The following STK33 variants were observed in gnomAD, a reference collection of about 807,000 sequenced individuals.
STK33 encodes serine/threonine kinase 33.
STK33 carries 52 observed loss-of-function variants against 58.0 expected under a neutral mutation model. The observed-to-expected ratio is 0.90, with a 90% confidence interval of 0.72 to 1.13. The LOEUF (loss-of-function observed/expected upper bound fraction) is 1.13, where lower values mean the gene tolerates loss of function less well. Ranked by LOEUF, STK33 falls within the 50% of genes most tolerant of loss-of-function variation. The pLI, the probability that STK33 is intolerant of heterozygous loss-of-function variation, is 0.00. For synonymous variants in STK33, 215 were observed against 200.1 expected (o/e 1.07, Z -0.63); for missense variants, 630 against 604.2 (o/e 1.04, Z -0.45).
At chr11:8,484,319 A>C (rs1356120503) in intron 1 of STK33, among the ~76,000 whole-genome samples, 2 of 152,224 alleles carry the variant, frequency 1.3e-5, no homozygotes, top group African/African-American at 4.8e-5. Context: ...ACTGTTGTGC[A>C]ACTGTCAAAA....
At chr11:8,463,593 T>C (rs1294782238) in intron 7 of STK33, among the ~76,000 whole-genome samples, 2 of 152,124 alleles carry the variant, frequency 1.3e-5, no homozygotes, top group Admixed American at 1.3e-4. Flanking sequence ...ATATGGAAAG[T>C]TACCCCAATT....
the STK33 span, among the ~76,000 whole-genome samples, chr11:8,345,732 T>C: frequency 1.3e-5 from 2 of 152,068 alleles, no homozygotes; most frequent in African/African-American, 2.4e-5. Flanking sequence ...GGGAGTAGCA[T>C]GGTGAGCCAT....
rs113035260 is a variant in STK33, at chr11:8,554,326, G to A, written c.-466+39757C>T. Among the ~76,000 whole-genome samples, 1,060 of 151,448 alleles carry A rather than the reference G, an allele frequency of 7.0e-3. 11 individuals are homozygous for A. Among genetic ancestry groups the A allele is most frequent in the African/African-American group, 0.024 (1,008 of 41,164 alleles). On this transcript the variant is annotated intron_variant, in intron 1 of 15. Transcript: ENST00000687296. ...CCCAGCTACTGGGGAGGCTGAGGCAGGAGAATCGCTTGAATCCGGGAGGTT... is the reference window on the plus strand; with the variant it reads ...CCCAGCTACTGGGGAGGCTGAGGCAAGAGAATCGCTTGAATCCGGGAGGTT...
At chr11:8,449,834 A>G (rs1387535694) in intron 11 of STK33, among the ~76,000 whole-genome samples, 2 of 152,200 alleles carry the variant, frequency 1.3e-5, no homozygotes, top group African/African-American at 4.8e-5. Flanking sequence ...GAGAAATGCA[A>G]ATCATAACCA....
the STK33 span, among the ~76,000 whole-genome samples, chr11:8,353,751 T>C: frequency 2.0e-5 from 3 of 152,184 alleles, no homozygotes; most frequent in Non-Finnish European, 4.4e-5. Context: ...GCAGCCTGGA[T>C]GGAATTCTTC....
At chr11:8,483,944 A>G (rs1254391544) in intron 1 of STK33, among the ~76,000 whole-genome samples, 1 of 152,340 alleles carries the variant, frequency 6.6e-6, no homozygotes, top group South Asian at 2.1e-4. Context: ...CAATAAAGCT[A>G]TATCAATTTT....
At chr11:8,448,859 G>GTTCAGCACACCAACATGGCACAT (rs1565013342) in intron 11 of STK33, among the ~76,000 whole-genome samples, 5 of 151,950 alleles carry the variant, frequency 3.3e-5, no homozygotes, top group African/African-American at 9.7e-5. Context: ...CTACGGAATG[G>GTTCAGCACACCAACATGGCACAT]GAGAAAATTG....
chr11:8,397,889 A>T (rs1849648655), intron 15 of STK33, among the ~76,000 whole-genome samples: 1 of 152,234 alleles, frequency 6.6e-6, no homozygotes, highest in Non-Finnish European at 1.5e-5. Flanking sequence ...AATGAAATGA[A>T]GCAAGAAGAG....
chr11:8,375,996 A>G, the STK33 span, among the ~76,000 whole-genome samples: 1 of 152,212 alleles, frequency 6.6e-6, no homozygotes, highest in African/African-American at 2.4e-5. Context: ...AATACAGGCT[A>G]ATCTCCAGGC....
the STK33 span, among the ~76,000 whole-genome samples, chr11:8,348,324 A>G: frequency 6.6e-6 from 1 of 152,236 alleles, no homozygotes; most frequent in African/African-American, 2.4e-5. Flanking sequence ...GGCTGCAGAC[A>G]CCTCAGGAGA....
intron 8 of STK33, among the ~76,000 whole-genome samples, chr11:8,460,915 G>A (rs1233769786): frequency 6.6e-6 from 1 of 152,078 alleles, no homozygotes; most frequent in African/African-American, 2.4e-5. Flanking sequence ...CAAGCATAAG[G>A]CACAACCCAA....
intron 1 of STK33, among the ~76,000 whole-genome samples, chr11:8,530,780 C>G (rs1022947698): frequency 6.6e-6 from 1 of 152,160 alleles, no homozygotes; most frequent in Non-Finnish European, 1.5e-5. Flanking sequence ...ACCTCTGCCG[C>G]CCAGGTTCAA....
intron 1 of STK33, among the ~76,000 whole-genome samples, chr11:8,561,576 G>A (rs552654009): frequency 8.3e-4 from 126 of 151,986 alleles, no homozygotes; most frequent in African/African-American, 2.8e-3. Flanking sequence ...TTACTAATCC[G>A]TTTAATCTCT....
the STK33 span, among the ~76,000 whole-genome samples, chr11:8,381,909 G>A: frequency 6.6e-6 from 1 of 152,124 alleles, no homozygotes; most frequent in Non-Finnish European, 1.5e-5. Context: ...CAGACACGTT[G>A]CATGTCAGGA....
chr11:8,502,543 G>A (rs540459390), intron 1 of STK33, among the ~76,000 whole-genome samples: 1 of 152,184 alleles, frequency 6.6e-6, no homozygotes, highest in African/African-American at 2.4e-5. Context: ...AGATCACCTA[G>A]GCAATACCAT....
At chr11:8,592,077 T>C (rs2032698868) in intron 1 of STK33, among the ~76,000 whole-genome samples, 4 of 152,208 alleles carry the variant, frequency 2.6e-5, no homozygotes, top group Admixed American at 2.6e-4. Context: ...TTCCAAGCCC[T>C]GTTTGACTCA....
the STK33 span, among the ~76,000 whole-genome samples, chr11:8,352,252 A>G: frequency 6.6e-6 from 1 of 152,160 alleles, no homozygotes; most frequent in Non-Finnish European, 1.5e-5. Flanking sequence ...GTAAATGAAA[A>G]CATTGAAGGC....
intron 1 of STK33, among the ~76,000 whole-genome samples, chr11:8,489,865 A>T (rs753144583): frequency 5.3e-5 from 8 of 152,214 alleles, no homozygotes; most frequent in Admixed American, 1.3e-4. Flanking sequence ...AGGCAGAAGA[A>T]ATAGTAAACC....
intron 1 of STK33, among the ~76,000 whole-genome samples, chr11:8,553,203 A>ATATATATATATATATATATATTGTG (rs1565347661): frequency 4.1e-5 from 3 of 72,926 alleles, no homozygotes; most frequent in African/African-American, 6.8e-5. Context: ...TATATGGTGT[A>ATATATATATATATATATATATTGTG]TATATATATA....
Sources: allele counts gnomAD v4.1 joint callset (sites outside exome capture counted in the v4.1 genomes callset), GRCh38; gene constraint gnomAD v4.1.1; transcripts MANE v1.5; gene names NCBI Gene and HGNC (gene_info 2026-07-23, HGNC 2026-07-21).